RNGTT: variants seen among roughly 807,000 people sequenced by gnomAD.
RNGTT encodes mRNA-capping enzyme.
A neutral mutation model predicts 79.3 loss-of-function variants in RNGTT; 33 were observed. That is an observed-to-expected ratio of 0.42 (90% confidence interval 0.32 to 0.56). The LOEUF (loss-of-function observed/expected upper bound fraction) is 0.56, where lower values mean the gene tolerates loss of function less well. Ranked by LOEUF, RNGTT falls within the 20% of genes least tolerant of loss-of-function variation. The probability of loss-of-function intolerance (pLI) is 0.17; values close to 1 mark genes in which losing one functional copy is unlikely to be tolerated. For missense variants in RNGTT, 497 were observed against 739.1 expected (o/e 0.67, Z 3.80); for synonymous variants, 222 against 235.9 (o/e 0.94, Z 0.54).
chr6:88,833,383 T>C (rs1318196841), intron 11 of RNGTT, among the ~76,000 whole-genome samples: 1 of 151,646 alleles, frequency 6.6e-6, no homozygotes, highest in Non-Finnish European at 1.5e-5. Context: ...TGAGAACACA[T>C]GGACACAGGG....
chr6:88,655,269 AT>A (rs895113517), intron 14 of RNGTT, among the ~76,000 whole-genome samples: 2 of 152,220 alleles, frequency 1.3e-5, no homozygotes, highest in African/African-American at 4.8e-5. Context: ...TCTTAAAAAT[AT>A]TTTTAACATA....
intron 13 of RNGTT, among the ~76,000 whole-genome samples, chr6:88,739,731 A>ATATATATATATATG (rs1777411137): frequency 0.013 from 196 of 14,736 alleles, no homozygotes; most frequent in Non-Finnish European, 0.026. Flanking sequence ...AAAATTATAT[A>ATATATATATATATG]TATATATATA....
chr6:88,648,409 C>A (rs1390041338), intron 14 of RNGTT, among the ~76,000 whole-genome samples: 1 of 151,842 alleles, frequency 6.6e-6, no homozygotes, highest in African/African-American at 2.4e-5. Flanking sequence ...ACCAACATGG[C>A]ACATGTATAC....
intron 4 of RNGTT, among the ~76,000 whole-genome samples, chr6:88,923,173 G>C (rs1784214815): frequency 6.6e-6 from 1 of 152,196 alleles, no homozygotes; most frequent in Non-Finnish European, 1.5e-5. Context: ...GTGGGTTCAA[G>C]TGGTGGCTGC....
At chr6:88,691,845 G>A (rs989202026) in intron 13 of RNGTT, among the ~76,000 whole-genome samples, 3 of 152,048 alleles carry the variant, frequency 2.0e-5, no homozygotes, top group Non-Finnish European at 2.9e-5. Context: ...TAAACAAGGG[G>A]TATAATATTA....
At chr6:88,670,827 G>A (rs1315654384) in intron 14 of RNGTT, among the ~76,000 whole-genome samples, 1 of 152,160 alleles carries the variant, frequency 6.6e-6, no homozygotes, top group East Asian at 1.9e-4. Context: ...AAAGGGACAG[G>A]AATCTTTACT....
intron 13 of RNGTT, among the ~76,000 whole-genome samples, chr6:88,715,347 T>C (rs995792989): frequency 6.6e-6 from 1 of 152,156 alleles, no homozygotes; most frequent in African/African-American, 2.4e-5. Context: ...CATTCCATGC[T>C]CATGGGTAGG....
At position 88,839,275 on chromosome 6, in the gene RNGTT, T is replaced by C. The variant is rs115707092; in HGVS notation, c.1269+5082A>G. ...AAAAAGAAAACGACAGAACAGTGTA[T>C]TAAAAAATCACCATGCTGGTCATGG... On this transcript the variant is annotated intron_variant, in intron 11 of 15. Transcript: ENST00000369485. 4.7e-3 allele frequency among the ~76,000 whole-genome samples: 711 copies of C among 152,150 alleles called. 2 individuals carry two copies. The highest frequency in any genetic ancestry group is 0.016 in the African/African-American group (669 of 41,516).
intron 14 of RNGTT, among the ~76,000 whole-genome samples, chr6:88,624,791 T>C (rs938900843): frequency 1.3e-5 from 2 of 151,836 alleles, no homozygotes; most frequent in African/African-American, 4.8e-5. Context: ...AGACAAAGCA[T>C]AGATTATAAT....
intron 13 of RNGTT, among the ~76,000 whole-genome samples, chr6:88,761,976 A>G (rs1018214958): frequency 1.3e-4 from 20 of 152,118 alleles, no homozygotes; most frequent in Admixed American, 2.6e-4. Context: ...TTCAAAAGAA[A>G]AATCTAATAA....
At chr6:88,884,166 CT>C (rs1436823637) in intron 8 of RNGTT, among the ~76,000 whole-genome samples, 1 of 152,204 alleles carries the variant, frequency 6.6e-6, no homozygotes, top group Non-Finnish European at 1.5e-5. Context: ...TGAGGTTAGA[CT>C]TTCAACAATA....
chr6:88,848,576 T>G (rs1393935798), intron 10 of RNGTT, among the ~76,000 whole-genome samples: 1 of 152,038 alleles, frequency 6.6e-6, no homozygotes, highest in East Asian at 1.9e-4. Flanking sequence ...AATCTCAACA[T>G]TATCTTGTTG....
intron 11 of RNGTT, among the ~76,000 whole-genome samples, chr6:88,831,467 A>G (rs916137178): frequency 3.9e-5 from 6 of 152,314 alleles, no homozygotes; most frequent in African/African-American, 1.4e-4. Context: ...TTTATGACAA[A>G]CCCACAGCCA....
intron 12 of RNGTT, among the ~76,000 whole-genome samples, chr6:88,786,235 GC>G (rs1779225616): frequency 1.3e-5 from 2 of 151,960 alleles, no homozygotes; most frequent in African/African-American, 4.8e-5. Context: ...TAAAATCAAA[GC>G]TGATTTTTCA....
intron 2 of RNGTT, among the ~76,000 whole-genome samples, chr6:88,931,570 T>TTGGCAGGTACC (rs1784514875): frequency 6.6e-6 from 1 of 152,150 alleles, no homozygotes; most frequent in Non-Finnish European, 1.5e-5. Flanking sequence ...ATGTGATGCC[T>TTGGCAGGTACC]AAGAATCACA....
At chr6:88,834,094 GAATGTTAATTATAAAAAAAAT>G (rs1780979058) in intron 11 of RNGTT, among the ~76,000 whole-genome samples, 2 of 151,918 alleles carry the variant, frequency 1.3e-5, no homozygotes, top group African/African-American at 4.8e-5. Flanking sequence ...GTATTTTTTT[GAATGTTAATTATAAAAAAAAT>G]TAGCTCTCAT....
chr6:88,679,304 T>C (rs1008764571), intron 13 of RNGTT, among the ~76,000 whole-genome samples: 1 of 152,148 alleles, frequency 6.6e-6, no homozygotes, highest in Admixed American at 6.5e-5. Flanking sequence ...ATAGATGGGA[T>C]TTGGGATTAG....
At chr6:88,699,003 T>G (rs576963444) in intron 13 of RNGTT, among the ~76,000 whole-genome samples, 1 of 152,160 alleles carries the variant, frequency 6.6e-6, no homozygotes, top group Non-Finnish European at 1.5e-5. Flanking sequence ...AACAATTACA[T>G]AGCTGACTAG....
At chr6:88,872,080 T>C (rs1385370514) in intron 8 of RNGTT, among the ~76,000 whole-genome samples, 2 of 152,192 alleles carry the variant, frequency 1.3e-5, no homozygotes, top group African/African-American at 4.8e-5. Context: ...ACTTTAGGCA[T>C]AGTCCCATTA....
Sources: allele counts gnomAD v4.1 joint callset (sites outside exome capture counted in the v4.1 genomes callset), GRCh38; gene constraint gnomAD v4.1.1; transcripts MANE v1.5; gene names NCBI Gene and HGNC (gene_info 2026-07-23, HGNC 2026-07-21).